The following SWAP70 variants were observed in gnomAD, a reference collection of about 807,000 sequenced individuals.
SWAP70 encodes switching B cell complex subunit SWAP70, also known as switch-associated protein 70.
In SWAP70, 34 loss-of-function variants were observed where a neutral mutation model predicts 80.2. That is an observed-to-expected ratio of 0.42 (90% CI 0.32 to 0.56). The LOEUF is 0.56. Among genes scored for constraint, SWAP70 ranks in the 20% least tolerant of loss-of-function variants. SWAP70 has a pLI of 0.09. For synonymous variants in SWAP70, 239 were observed against 238.5 expected (o/e 1.00, Z -0.02); for missense variants, 578 against 690.7 (o/e 0.84, Z 1.83).
At chr11:9,710,729 G>T (rs1463798161) in intron 2 of SWAP70, among the ~76,000 whole-genome samples, 5 of 149,902 alleles carry the variant, frequency 3.3e-5, no homozygotes, top group Non-Finnish European at 7.4e-5. Flanking sequence ...TCCAAGGCTG[G>T]AGTGCAGTGG....
intron 1 of SWAP70, among the ~76,000 whole-genome samples, chr11:9,684,310 G>A (rs1337871438): frequency 1.3e-5 from 2 of 152,138 alleles, no homozygotes; most frequent in East Asian, 1.9e-4. Flanking sequence ...CCAAACTCCT[G>A]ACCTCAAGTG....
At chr11:9,676,743 G>A (rs780616056) in intron 1 of SWAP70, among the ~76,000 whole-genome samples, 21 of 150,390 alleles carry the variant, frequency 1.4e-4, no homozygotes, top group African/African-American at 2.0e-4. Context: ...TCCGCCTCCT[G>A]GGTTTATGCC....
At chr11:9,689,916 T>G (rs1339574838) in intron 1 of SWAP70, among the ~76,000 whole-genome samples, 2 of 152,108 alleles carry the variant, frequency 1.3e-5, no homozygotes, top group African/African-American at 2.4e-5. Flanking sequence ...TCACTAAAAT[T>G]TAGAAACAAC....
intron 9 of SWAP70, chr11:9,741,764 T>C (rs899566093): frequency 6.6e-5 from 10 of 151,822 alleles, no homozygotes; most frequent in African/African-American, 1.9e-4. Context: ...TTTTGGATAA[T>C]TGAAGCCAGT....
At chr11:9,725,577 T>A (rs1253600905) in intron 4 of SWAP70, among the ~76,000 whole-genome samples, 140 of 112,632 alleles carry the variant, frequency 1.2e-3, no homozygotes, top group African/African-American at 4.3e-3. Context: ...ATATTTTTTT[T>A]TTTTTTTTTT....
chr11:9,679,425 C>T (rs961379422), intron 1 of SWAP70, among the ~76,000 whole-genome samples: 5 of 152,166 alleles, frequency 3.3e-5, no homozygotes, highest in African/African-American at 9.6e-5. Context: ...CTTTCAGTTC[C>T]TAGGGTGATG....
At chr11:9,728,637 C>T (rs1359486500) in intron 5 of SWAP70, among the ~76,000 whole-genome samples, 1 of 152,188 alleles carries the variant, frequency 6.6e-6, no homozygotes, top group African/African-American at 2.4e-5. Flanking sequence ...ACTTTCAGGA[C>T]ACTTTATTCA....
At chr11:9,664,570 A>G (rs1331488102) in intron 1 of SWAP70, among the ~76,000 whole-genome samples, 1 of 152,182 alleles carries the variant, frequency 6.6e-6, no homozygotes, top group Non-Finnish European at 1.5e-5. Flanking sequence ...GCCAAGTGTG[A>G]TTCCTTCTTG....
At chr11:9,670,432 G>A (rs1019539795) in intron 1 of SWAP70, among the ~76,000 whole-genome samples, 4 of 152,244 alleles carry the variant, frequency 2.6e-5, no homozygotes, top group East Asian at 1.9e-4. Context: ...TTTTGAACAC[G>A]AAAAGTTTTT....
intron 1 of SWAP70, among the ~76,000 whole-genome samples, chr11:9,665,583 T>G (rs542525808): frequency 1.4e-4 from 21 of 152,300 alleles, no homozygotes; most frequent in African/African-American, 4.8e-4. Flanking sequence ...CTTTCCTAAT[T>G]GCTATAGTTT....
At position 9,751,466 on chromosome 11, in the gene SWAP70, T is replaced by C. The variant is rs913643763; in HGVS notation, c.*1496T>C. 2 of 152,216 alleles carry C rather than the reference T, an allele frequency of 1.3e-5. No individual in the cohort carries two copies. Among genetic ancestry groups the C allele is most frequent in the African/African-American group, 4.8e-5 (2 of 41,460 alleles). The allele number at this position is 152,216 out of a possible 1,614,324, so 9.4% of individuals were successfully genotyped here. A position where few individuals can be genotyped will look rare whatever the true frequency, so the allele number is the denominator to read the frequency against. ...GTAACTCCGTGGACAGCAATCAAGC[T>C]TAAAATTGTAAATAAATATGGGGAT... On this transcript the variant is annotated 3_prime_UTR_variant, in exon 12 of 12. Transcript: ENST00000318950.
intron 2 of SWAP70, among the ~76,000 whole-genome samples, chr11:9,694,695 AC>A (rs375507245): frequency 1.3e-5 from 2 of 152,340 alleles, no homozygotes; most frequent in African/African-American, 4.8e-5. Context: ...TACACGGCCA[AC>A]AAACATGAAA....
At chr11:9,687,362 G>T (rs557841490) in intron 1 of SWAP70, among the ~76,000 whole-genome samples, 2 of 152,318 alleles carry the variant, frequency 1.3e-5, no homozygotes, top group South Asian at 4.1e-4. Context: ...GGTCCCAGGA[G>T]TTCCACCTGA....
intron 3 of SWAP70, among the ~76,000 whole-genome samples, chr11:9,718,721 T>C (rs1250574907): frequency 6.6e-6 from 1 of 152,214 alleles, no homozygotes; most frequent in Non-Finnish European, 1.5e-5. Context: ...TAATACTTCT[T>C]TCCAATAATC....
intron 2 of SWAP70, among the ~76,000 whole-genome samples, chr11:9,704,348 A>G (rs1421455110): frequency 6.6e-6 from 1 of 151,772 alleles, no homozygotes; most frequent in Non-Finnish European, 1.5e-5. Context: ...AGGCAAGGAA[A>G]GAGGACCTGC....
chr11:9,732,679 G>A lies in SWAP70; in HGVS notation c.1049G>A (p.Ser350Asn), dbSNP rs1003264651. The A allele has an allele frequency of 6.4e-7, 1 of 1,556,796 alleles. No individual in the cohort carries two copies. Among genetic ancestry groups the A allele is most frequent in the South Asian group, 1.2e-5 (1 of 84,684 alleles). ...AAGGAACTCCAGGCCGCCAACGAAA[G>A]CAAGCAGCAGGAGCTGGAGGCCGTG... ...QMKELQAANE[S>N]KQQELEAVRK... Residue 350 changes from serine (S) to asparagine (N), a missense_variant, in exon 7 of 12, where the codon AGC becomes AAC. Transcript: ENST00000318950.
Position 9,732,548 on chromosome 11 carries a change from T to A in SWAP70, c.918T>A (p.His306Gln). 1 of 1,606,772 alleles carries A rather than the reference T, an allele frequency of 6.2e-7. No individual in the cohort carries two copies. The highest frequency in any genetic ancestry group is 1.1e-5 in the South Asian group (1 of 90,052). ...TTACAGCCATTCATTCTACTATTCA[T>A]CTGTTGAAGCTGGGCAGCCCTCCAC... The part of the protein sequence containing the change: ...EWIQAIHSTI[H>Q]LLKLGSPPPH... Residue 306 changes from histidine to glutamine, a missense_variant, in exon 7 of 12, where the codon CAT becomes CAA. Coordinates refer to ENST00000318950, the MANE Select transcript of SWAP70 (RefSeq NM_015055.4).
rs759121780 is a variant in SWAP70, at chr11:9,724,652, A to G, written c.415-6A>G. Reference sequence around the variant, plus strand: ...AGGAAATAATTATTTCACATTCTTTATGTAGATTGAATACCTGCTTAAGAA... The same window carrying G: ...AGGAAATAATTATTTCACATTCTTTGTGTAGATTGAATACCTGCTTAAGAA... On this transcript the variant is annotated splice_region_variant and splice_polypyrimidine_tract_variant and intron_variant, in intron 3 of 11. Coordinates refer to ENST00000318950, the MANE Select transcript of SWAP70 (RefSeq NM_015055.4). 2 of 1,597,014 alleles carry G rather than the reference A, an allele frequency of 1.3e-6. No homozygotes were observed. The highest frequency in any genetic ancestry group is 2.2e-5 in the East Asian group (1 of 44,688).
Position 9,728,113 on chromosome 11 carries a change from A to G in SWAP70, c.703A>G (p.Lys235Glu). 6.8e-6 allele frequency: 11 copies of G among 1,613,294 alleles called. No homozygotes were observed. The highest frequency in any genetic ancestry group is 8.5e-6 in the Non-Finnish European group (10 of 1,179,720). Residue 235 changes from lysine (K) to glutamate (E), a missense_variant, in exon 5 of 12, where the codon AAA becomes GAA. Coordinates refer to ENST00000318950, the MANE Select transcript of SWAP70 (RefSeq NM_015055.4). ...CTGGACTGAAAGATGGTTTGTACTA[A>G]AACCCAACATAATTTCTTACTATGT... Reference protein sequence around the residue: ...KNWTERWFVLKPNIISYYVSE... With the variant: ...KNWTERWFVLEPNIISYYVSE...
Sources: gnomAD v4.1 joint callset for allele counts (sites outside exome capture counted in the v4.1 genomes callset) on GRCh38, gnomAD v4.1.1 for gene constraint, MANE v1.5 for transcripts, NCBI Gene and HGNC (gene_info 2026-07-23, HGNC 2026-07-21) for gene names.